The following KMT2A variants were observed in gnomAD, a reference collection of about 807,000 sequenced individuals.
KMT2A encodes lysine methyltransferase 2A.
KMT2A carries 16 observed loss-of-function variants against 345.3 expected under a neutral mutation model. The ratio of observed to expected loss-of-function variants is 0.05; its 90% confidence interval spans 0.03 to 0.07. KMT2A has a LOEUF of 0.07. KMT2A is among the 10% of genes least tolerant of loss of function. The pLI, the probability that KMT2A is intolerant of heterozygous loss-of-function variation, is 1.00. For synonymous variants in KMT2A, 1,599 were observed against 1,778.6 expected (o/e 0.90, Z 2.54); for missense variants, 3,272 against 4,841.6 (o/e 0.68, Z 9.62).
intron 1 of KMT2A, chr11:118,439,158 C>CAAAAAAAAAAAAAAACAA: frequency 3.8e-6 from 1 of 265,450 alleles, no homozygotes; most frequent in Non-Finnish European, 7.5e-6. Context: ...GATACAGCAG[C>CAAAAAAAAAAAAAAACAA]AAAAAAAAAA....
Position 118,524,711 on chromosome 11 carries a change from A to T in KMT2A, c.*2539A>T. ...CCTTGTATTCCTATTTTTTTTAAAG[A>T]AAAAAAAAAAACCTTAAGCTGCATT... On this transcript the variant is annotated 3_prime_UTR_variant, in exon 36 of 36. Transcript: ENST00000534358. 6.4e-6 allele frequency: 1 copy of T among 156,022 alleles called. No homozygotes were observed. Among genetic ancestry groups the T allele is most frequent in the East Asian group, 1.4e-4 (1 of 7,286 alleles). The allele number at this position is 156,022 out of a possible 1,614,324, so 9.7% of individuals were successfully genotyped here. A position where few individuals can be genotyped will look rare whatever the true frequency, so the allele number is the denominator to read the frequency against.
Position 118,525,436 on chromosome 11 carries a change from A to G in KMT2A, c.*3264A>G. On this transcript the variant is annotated 3_prime_UTR_variant, in exon 36 of 36. Transcript: ENST00000534358. ...CTTGGCCACCCACCACCTCTCGCAC[A>G]GCCCCTCTGTTTTTACACCAATAAC... 1 of 227,756 alleles carries G rather than the reference A, an allele frequency of 4.4e-6. No individual in the cohort carries two copies. Among genetic ancestry groups the G allele is most frequent in the Non-Finnish European group, 8.7e-6 (1 of 114,650 alleles). 14.1% of individuals were successfully genotyped at this position (227,756 alleles called of 1,614,324 possible).
chr11:118,441,115 G>C (rs599397), intron 1 of KMT2A, among the ~76,000 whole-genome samples: 1 of 151,978 alleles, frequency 6.6e-6, no homozygotes, highest in Non-Finnish European at 1.5e-5. Flanking sequence ...GGTCAAATCA[G>C]AATTTCTTAT....
rs1479641598 is a variant in KMT2A, at chr11:118,523,229, T to C, written c.*1057T>C. 1 of 229,190 alleles carries C rather than the reference T, an allele frequency of 4.4e-6. No individual in the cohort carries two copies. The highest frequency in any genetic ancestry group is 8.7e-6 in the Non-Finnish European group (1 of 115,342). The allele number at this position is 229,190 out of a possible 1,614,324, so 14.2% of individuals were successfully genotyped here. A position where few individuals can be genotyped will look rare whatever the true frequency, so the allele number is the denominator to read the frequency against. On this transcript the variant is annotated 3_prime_UTR_variant, in exon 36 of 36. Coordinates refer to ENST00000534358, the MANE Select transcript of KMT2A (RefSeq NM_001197104.2). ...CAGGATGACCCTTGGGTCCCATTCCTAAGACATGGTTACTTTATTTTCCCC... is the reference window on the plus strand; with the variant it reads ...CAGGATGACCCTTGGGTCCCATTCCCAAGACATGGTTACTTTATTTTCCCC...
At chr11:118,455,868 T>C (rs1555030672) in intron 1 of KMT2A, among the ~76,000 whole-genome samples, 1 of 152,020 alleles carries the variant, frequency 6.6e-6, no homozygotes, top group African/African-American at 2.4e-5. Flanking sequence ...TGTGTTTTTC[T>C]TTGTAGAGAT....
chr11:118,467,262 A>C (rs1555034298), intron 1 of KMT2A, among the ~76,000 whole-genome samples: 1 of 152,000 alleles, frequency 6.6e-6, no homozygotes, highest in Non-Finnish European at 1.5e-5. Context: ...CTCTAGTCTT[A>C]GCTATTCAGG....
rs572302703 is a variant in KMT2A, at chr11:118,468,695, TCTC to T, written c.433-76_433-74del. 329 of 1,056,210 alleles carry T rather than the reference TCTC, an allele frequency of 3.1e-4. No homozygotes were observed. The African/African-American group carries it at 4.5e-3, about 14-fold the overall frequency. The allele number at this position is 1,056,210 out of a possible 1,614,324, so 65.4% of individuals were successfully genotyped here. On this transcript the variant is annotated intron_variant, in intron 1 of 35. Coordinates refer to ENST00000534358, the MANE Select transcript of KMT2A (RefSeq NM_001197104.2). Reference sequence around the variant, plus strand: ...GGCAACTTTTCCAAATTCATTTGTGTCTCCTCTGGGCATTTCTTTGGGATGTGT... The same window carrying T: ...GGCAACTTTTCCAAATTCATTTGTGTCTCTGGGCATTTCTTTGGGATGTGT...
rs1555036136 is a variant in KMT2A, at chr11:118,472,842, A to G, written c.1683A>G (p.Pro561=). ...CCCAGCAGCAGACCTCCTCGTCTCC[A>G]CCTCCACCTCTGCTGACTCCACCGC... ...SAPQQQTSSS[P]PPPLLTPPPP... The change falls in exon 3 of 36, where the codon CCA becomes CCG. Residue 561 remains proline (P), a synonymous_variant. Coordinates refer to ENST00000534358, the MANE Select transcript of KMT2A (RefSeq NM_001197104.2). The G allele has an allele frequency of 1.2e-6, 2 of 1,613,630 alleles. No homozygotes were observed.
Position 118,506,610 on chromosome 11 carries a change from C to T in KMT2A, c.10718C>T (p.Pro3573Leu), listed in dbSNP as rs1555048572. The T allele has an allele frequency of 3.1e-6, 5 of 1,611,264 alleles. No homozygotes were observed. The highest frequency in any genetic ancestry group is 1.7e-4 in the Middle Eastern group (1 of 6,050). Residue 3573 changes from proline to leucine, a missense_variant, in exon 27 of 36, where the codon CCA (proline) becomes CTA (leucine). This residue lies in a region of KMT2A where 748 missense variants were observed against 922.2 expected (regional missense o/e 0.81). Coordinates refer to ENST00000534358, the MANE Select transcript of KMT2A (RefSeq NM_001197104.2). The part of the protein sequence containing the change: ...LRTSSSEAHI[P>L]DQETTSLTSG... ...ACCAGTTCTTCTGAAGCACACATTC[C>T]AGACCAAGAAACGACATCCCTGACC... is the stretch of plus-strand genomic sequence containing the variant.
At chr11:118,456,542 G>A (rs540066359) in intron 1 of KMT2A, among the ~76,000 whole-genome samples, 1 of 152,088 alleles carries the variant, frequency 6.6e-6, no homozygotes, top group Non-Finnish European at 1.5e-5. Flanking sequence ...GTTTCACTAT[G>A]TTGGCCAGGC....
chr11:118,447,777 G>A, intron 1 of KMT2A: 1 of 299,486 alleles, frequency 3.3e-6, no homozygotes, highest in Non-Finnish European at 6.8e-6. Flanking sequence ...AACATGAATG[G>A]ATCCATTATT....
At chr11:118,439,079 A>T in intron 1 of KMT2A, 1 of 515,596 alleles carries the variant, frequency 1.9e-6, no homozygotes, top group Non-Finnish European at 3.9e-6. Context: ...CATGACAAAA[A>T]GACTGAACCG....
intron 1 of KMT2A, among the ~76,000 whole-genome samples, chr11:118,467,767 T>G (rs1168241709): frequency 6.6e-6 from 1 of 152,238 alleles, no homozygotes; most frequent in Non-Finnish European, 1.5e-5. Flanking sequence ...TGTTAATGCT[T>G]TTGTCATTGG....
chr11:118,512,688 C>A (rs1950715122), intron 31 of KMT2A, among the ~76,000 whole-genome samples: 2 of 151,962 alleles, frequency 1.3e-5, no homozygotes, highest in Non-Finnish European at 2.9e-5. Flanking sequence ...AACTCTTTAA[C>A]TTTTTGAAGT....
chr11:118,461,012 T>C (rs964377758), intron 1 of KMT2A, among the ~76,000 whole-genome samples: 6 of 152,234 alleles, frequency 3.9e-5, no homozygotes, highest in Non-Finnish European at 5.9e-5. Flanking sequence ...GAATTAAATA[T>C]TGCTTTGTTT....
At position 118,484,012 on chromosome 11, in the gene KMT2A, A is replaced by G. The variant is rs930038456; in HGVS notation, c.4087-171A>G. Among the ~76,000 whole-genome samples the G allele has an allele frequency of 6.6e-6, 1 of 152,230 alleles. No homozygotes were observed. The highest frequency in any genetic ancestry group is 6.5e-5 in the Admixed American group (1 of 15,292). On this transcript the variant is annotated intron_variant, in intron 8 of 35. Transcript: ENST00000534358. The surrounding 1 kb of genome is among the most constrained non-coding windows in gnomAD (Gnocchi z 4.1). The stretch of plus-strand genomic sequence containing the variant: ...GTGCCACTGTATTGCAGCCTAGGCA[A>G]CAAAGCAAGACCCAGTCTCTTTTAA...
intron 1 of KMT2A, among the ~76,000 whole-genome samples, chr11:118,455,981 G>A (rs1416833422): frequency 3.3e-5 from 5 of 151,982 alleles, no homozygotes; most frequent in African/African-American, 1.2e-4. Context: ...GAGCCACTGT[G>A]CCCAGCCTTG....
At position 118,503,722 on chromosome 11, in the gene KMT2A, G is replaced by T; in HGVS notation, c.7830G>T (p.Gln2610His). ...NLMLPDGPKP[Q>H]EDGSFKRRYP... ...TGCTTCCAGATGGCCCCAAACCTCA[G>T]GAGGATGGCTCTTTTAAAAGGAGGT... is the stretch of plus-strand genomic sequence containing the variant. Residue 2610 changes from glutamine to histidine, a missense_variant, in exon 27 of 36, where the codon CAG becomes CAT. Around this residue, in one of 27 missense-constraint regions of KMT2A, gnomAD observed 445 missense variants for 500.9 expected, o/e 0.89. Transcript: ENST00000534358. The surrounding 1 kb of genome is among the most constrained non-coding windows in gnomAD (Gnocchi z 5.3). The T allele has an allele frequency of 6.2e-7, 1 of 1,614,180 alleles. No homozygotes were observed. The highest frequency in any genetic ancestry group is 1.6e-4 in the Middle Eastern group (1 of 6,062).
At position 118,494,438 on chromosome 11, in the gene KMT2A, A is replaced by C. The variant is rs781872678; in HGVS notation, c.5289+40A>C. 9.4e-7 allele frequency: 1 copy of C among 1,068,034 alleles called. No individual in the cohort carries two copies. The highest frequency in any genetic ancestry group is 1.4e-6 in the Non-Finnish European group (1 of 689,746). The allele number at this position is 1,068,034 out of a possible 1,614,324, so 66.2% of individuals were successfully genotyped here. On this transcript the variant is annotated intron_variant, in intron 17 of 35. Transcript: ENST00000534358. This position sits in a 1 kb window ranked among gnomAD's most constrained non-coding sequence, Gnocchi z 5.8. ...TAATTCATGTTTTTAATGCTTACCT[A>C]TAAGTAATTACCCTGTGAATACAAT...
Sources: gnomAD v4.1 joint callset for allele counts (sites outside exome capture counted in the v4.1 genomes callset) on GRCh38, gnomAD v4.1.1 for gene constraint, gnomAD v4.1.1 regional missense constraint, Gnocchi (gnomAD v3.1) non-coding constraint, MANE v1.5 for transcripts, NCBI Gene and HGNC (gene_info 2026-07-23, HGNC 2026-07-21) for gene names.